Variants in FGF18 observed in about 807,000 individuals in gnomAD.
FGF18 encodes the protein fibroblast growth factor 18.
Under a neutral mutation model 23.0 loss-of-function variants are expected in FGF18, and 5 were observed. The ratio of observed to expected loss-of-function variants is 0.22; its 90% CI spans 0.11 to 0.46. FGF18 has a LOEUF of 0.46. Among genes scored for constraint, FGF18 ranks in the 20% least tolerant of loss-of-function variants. FGF18 has a pLI of 0.99. For synonymous variants in FGF18, 117 were observed against 118.9 expected, an observed-to-expected ratio of 0.98 and a Z score of 0.10; for missense variants, 180 against 291.6, an observed-to-expected ratio of 0.62 and a Z score of 2.79.
Position 171,455,712 on chromosome 5 carries a change from A to G in FGF18, c.358-827A>G, listed in dbSNP as rs556150760. Among the ~76,000 whole-genome samples the G allele has an allele frequency of 1.9e-3, 293 of 152,222 alleles. 1 individual carries two copies. The highest frequency in any genetic ancestry group is 3.0e-3 in the Admixed American group (46 of 15,292). On this transcript the variant is annotated intron_variant, in intron 4 of 4. Transcript: ENST00000274625. ...AAACTCCTCTGGTTTAAATCCACCT[A>G]TGTTTGGGGTTGCCTAGAAAAGGTC... is the stretch of plus-strand genomic sequence containing the variant.
At position 171,451,764 on chromosome 5, in the gene FGF18, C is replaced by A. The variant is rs1046275550; in HGVS notation, c.357+2511C>A. Reference sequence around the variant, plus strand: ...TCCAGATGCGTGGCACTGAGCACCGCTGTTCCATGGACGGGGCCTTCGGGC... The same window carrying A: ...TCCAGATGCGTGGCACTGAGCACCGATGTTCCATGGACGGGGCCTTCGGGC... On this transcript the variant is annotated intron_variant, in intron 4 of 4. Coordinates refer to ENST00000274625, the MANE Select transcript of FGF18 (RefSeq NM_003862.3). This position sits in a 1 kb window ranked among gnomAD's most constrained non-coding sequence, Gnocchi z 4.5. Among the ~76,000 whole-genome samples, 2 of 152,210 alleles carry A rather than the reference C, an allele frequency of 1.3e-5. No individual in the cohort carries two copies. The highest frequency in any genetic ancestry group is 2.9e-5 in the Non-Finnish European group (2 of 68,040).
chr5:171,455,166 A>C (rs771099962), intron 4 of FGF18, among the ~76,000 whole-genome samples: 1 of 152,026 alleles, frequency 6.6e-6, no homozygotes, highest in Non-Finnish European at 1.5e-5. Flanking sequence ...TTGTTTTCTG[A>C]CTCCAAATCT....
In FGF18 at chr5:171,456,002, G is replaced by A. The variant is rs2113369999; in HGVS notation, c.358-537G>A. ...AGGAAGTGAAGGCTCTCTGTCCTAT[G>A]CTGCCCCAGCCACAGCCTCCTGCCC... On this transcript the variant is annotated intron_variant, in intron 4 of 4. Coordinates refer to ENST00000274625, the MANE Select transcript of FGF18 (RefSeq NM_003862.3). This position sits in a 1 kb window ranked among gnomAD's most constrained non-coding sequence, Gnocchi z 6.1. 6.6e-6 allele frequency among the ~76,000 whole-genome samples: 1 copy of A among 152,300 alleles called. No individual in the cohort carries two copies. The highest frequency in any genetic ancestry group is 1.9e-4 in the East Asian group (1 of 5,184).
chr5:171,441,875 A>G (rs973172961), intron 3 of FGF18, among the ~76,000 whole-genome samples: 3 of 152,132 alleles, frequency 2.0e-5, no homozygotes, highest in Non-Finnish European at 4.4e-5. Flanking sequence ...CACAGATCTC[A>G]GTGCACAGTA....
intron 3 of FGF18, among the ~76,000 whole-genome samples, chr5:171,437,309 T>C (rs898565292): frequency 6.6e-6 from 1 of 152,148 alleles, no homozygotes; most frequent in Non-Finnish European, 1.5e-5. Flanking sequence ...ACACCATTTA[T>C]TTTCCCTCAG....
intron 3 of FGF18, among the ~76,000 whole-genome samples, chr5:171,445,548 T>C (rs939473797): frequency 1.3e-5 from 2 of 150,884 alleles, no homozygotes; most frequent in Non-Finnish European, 3.0e-5. Context: ...TTTTTTTTAG[T>C]AGAGATGGGG....
At chr5:171,449,080 G>A (rs1772455976) in intron 3 of FGF18, 67 bp from the exon 4 acceptor site, 1 of 1,197,874 alleles carries the variant, frequency 8.3e-7, no homozygotes, top group Non-Finnish European at 1.2e-6. Flanking sequence ...CCATGTCACT[G>A]AGCCTTTAGA....
In FGF18 at chr5:171,420,056, G is replaced by A; in HGVS notation, c.-144G>A. 2 of 565,776 alleles carry A rather than the reference G, an allele frequency of 3.5e-6. No individual in the cohort carries two copies. The highest frequency in any genetic ancestry group is 5.1e-6 in the Non-Finnish European group (2 of 388,558). The allele number at this position is 565,776 out of a possible 1,614,324, so 35.0% of individuals were successfully genotyped here. A position where few individuals can be genotyped will look rare whatever the true frequency, so the allele number is the denominator to read the frequency against. ...CCGCGGAGCGCCCCGGAGCAGCAGAGTCTGCAGCAGCAGCAGCCGGCGAGG... is the reference window on the plus strand; with the variant it reads ...CCGCGGAGCGCCCCGGAGCAGCAGAATCTGCAGCAGCAGCAGCCGGCGAGG... On this transcript the variant is annotated 5_prime_UTR_variant, in exon 1 of 5. Transcript: ENST00000274625.
intron 3 of FGF18, among the ~76,000 whole-genome samples, chr5:171,445,397 C>T (rs759278308): frequency 1.2e-4 from 18 of 152,290 alleles, no homozygotes; most frequent in South Asian, 2.1e-4. Flanking sequence ...CTCACTCTTT[C>T]GCCCAGGCTG....
At chr5:171,442,839 G>A (rs1270984926) in intron 3 of FGF18, among the ~76,000 whole-genome samples, 1 of 152,204 alleles carries the variant, frequency 6.6e-6, no homozygotes, top group African/African-American at 2.4e-5. Flanking sequence ...ACTGGGATTA[G>A]TCAACCAATC....
At chr5:171,423,773 C>CTTTTTTTTTT (rs61255857) in intron 2 of FGF18, among the ~76,000 whole-genome samples, 4 of 103,334 alleles carry the variant, frequency 3.9e-5, no homozygotes, top group Non-Finnish European at 5.6e-5. Flanking sequence ...GTGGATGGCA[C>CTTTTTTTTTT]TTTTTTTTTT....
intron 2 of FGF18, among the ~76,000 whole-genome samples, chr5:171,422,699 G>C (rs1581268580): frequency 1.3e-5 from 2 of 152,164 alleles, no homozygotes; most frequent in East Asian, 3.8e-4. Context: ...AGGAATCTGG[G>C]GCCTGCTCCC....
At chr5:171,429,264 A>G (rs1019126090) in intron 2 of FGF18, among the ~76,000 whole-genome samples, 1 of 152,152 alleles carries the variant, frequency 6.6e-6, no homozygotes, top group Non-Finnish European at 1.5e-5. Context: ...TTTCTGTTCA[A>G]TTTGGGCCAG....
intron 2 of FGF18, among the ~76,000 whole-genome samples, chr5:171,424,009 C>A (rs767699496): frequency 4.5e-4 from 68 of 152,232 alleles, no homozygotes; most frequent in Non-Finnish European, 4.7e-4. Flanking sequence ...AGGTGATCTG[C>A]CTGCCTTGGC....
chr5:171,447,480 C>G (rs1269139694), intron 3 of FGF18, among the ~76,000 whole-genome samples: 2 of 152,210 alleles, frequency 1.3e-5, no homozygotes, highest in Non-Finnish European at 2.9e-5. Flanking sequence ...TCAGTGTTGA[C>G]TAGGGCTGGG....
At chr5:171,447,826 A>C (rs1466498778) in intron 3 of FGF18, among the ~76,000 whole-genome samples, 4 of 152,292 alleles carry the variant, frequency 2.6e-5, no homozygotes, top group Non-Finnish European at 4.4e-5. Flanking sequence ...GTTATGGAGA[A>C]GCAAGTCCCT....
intron 2 of FGF18, among the ~76,000 whole-genome samples, chr5:171,427,222 G>A (rs1772104525): frequency 6.6e-6 from 1 of 151,238 alleles, no homozygotes; most frequent in Admixed American, 6.6e-5. Context: ...AAAAAAAAAA[G>A]AGAAATACCT....
chr5:171,420,308 C>A, intron 1 of FGF18, 77 bp downstream of exon 1: 1 of 1,607,362 alleles, frequency 6.2e-7, no homozygotes. Context: ...CTCTGTCTGC[C>A]CGCCCGTCGG....
At chr5:171,439,425 G>C (rs1772301530) in intron 3 of FGF18, among the ~76,000 whole-genome samples, 1 of 152,198 alleles carries the variant, frequency 6.6e-6, no homozygotes, top group South Asian at 2.1e-4. Flanking sequence ...TGAATACCTG[G>C]CAGGTGGGAG....
Sources: allele counts gnomAD v4.1 joint callset (sites outside exome capture counted in the v4.1 genomes callset), GRCh38; gene constraint gnomAD v4.1.1; non-coding constraint Gnocchi (gnomAD v3.1); transcripts MANE v1.5; gene names NCBI Gene and HGNC (gene_info 2026-07-23, HGNC 2026-07-21).